The following RNF138 variants were observed in gnomAD, a reference collection of about 807,000 sequenced individuals.
RNF138 encodes E3 ubiquitin-protein ligase RNF138.
In RNF138, 12 loss-of-function variants were observed where a neutral mutation model predicts 31.0. The ratio of observed to expected loss-of-function variants is 0.39; its 90% CI spans 0.25 to 0.63. The LOEUF (loss-of-function observed/expected upper bound fraction) is 0.63. RNF138 is among the 20% of genes least tolerant of loss of function. The probability of loss-of-function intolerance (pLI) is 0.52; values close to 1 mark genes in which losing one functional copy is unlikely to be tolerated. For synonymous variants in RNF138, 105 were observed against 99.5 expected (o/e 1.06, Z -0.33); for missense variants, 192 against 300.1 (o/e 0.64, Z 2.66).
chr18:32,122,155 C>G (rs995078786), intron 4 of RNF138, among the ~76,000 whole-genome samples: 3 of 152,296 alleles, frequency 2.0e-5, no homozygotes, highest in African/African-American at 7.2e-5. Flanking sequence ...GTGTGAGCCA[C>G]TGTGCCCGGC....
intron 4 of RNF138, among the ~76,000 whole-genome samples, chr18:32,121,475 A>G (rs1017956015): frequency 3.9e-5 from 6 of 152,234 alleles, no homozygotes; most frequent in East Asian, 3.8e-4. Context: ...AGCCGGGGCA[A>G]TAAGAGCGAA....
chr18:32,104,991 A>T (rs189067580), intron 2 of RNF138, among the ~76,000 whole-genome samples: 253 of 152,362 alleles, frequency 1.7e-3, no homozygotes, highest in African/African-American at 5.6e-3. Flanking sequence ...ATGAGATATT[A>T]TGAAACAATA....
At chr18:32,093,280 A>T (rs928471812) in intron 2 of RNF138, among the ~76,000 whole-genome samples, 4 of 150,954 alleles carry the variant, frequency 2.6e-5, no homozygotes, top group Non-Finnish European at 5.9e-5. Context: ...TTTCTTAGCA[A>T]CCCGGGTGAA....
In RNF138 at chr18:32,100,561, C is replaced by T. The variant is rs181903948; in HGVS notation, c.110+7675C>T. ...CGCGATCTCGGCTCACTGCAACCTC[C>T]GTCTCCCGGGTTTAAGCGATTTTCC... On this transcript the variant is annotated intron_variant, in intron 2 of 7. Transcript: ENST00000261593. Among the ~76,000 whole-genome samples, 437 of 150,662 alleles carry T rather than the reference C, an allele frequency of 2.9e-3. 7 individuals carry two copies. The highest frequency in any genetic ancestry group is 0.022 in the Admixed American group (326 of 15,002).
At chr18:32,120,195 C>G (rs1365279578) in intron 4 of RNF138, among the ~76,000 whole-genome samples, 1 of 152,042 alleles carries the variant, frequency 6.6e-6, no homozygotes, top group African/African-American at 2.4e-5. Context: ...TAGCGTAGAT[C>G]TTTTAGTTTT....
chr18:32,092,646 C>T, intron 1 of RNF138, 54 bp from the exon 2 acceptor site: 1 of 661,730 alleles, frequency 1.5e-6, no homozygotes, highest in Non-Finnish European at 2.7e-6. Flanking sequence ...CGCCCCCTTC[C>T]TGGCGCGCGC....
At chr18:32,103,193 G>C (rs979046732) in intron 2 of RNF138, among the ~76,000 whole-genome samples, 7 of 151,202 alleles carry the variant, frequency 4.6e-5, no homozygotes, top group African/African-American at 1.7e-4. Context: ...TCATTTTTTG[G>C]TTAGAGACTA....
At chr18:32,126,638 T>C (rs1038539105) in intron 6 of RNF138, 55 bp from the exon 7 acceptor site, 26 of 1,086,124 alleles carry the variant, frequency 2.4e-5, no homozygotes, top group African/African-American at 2.1e-4. Flanking sequence ...CTGTCAATTG[T>C]ATAATATTTC....
intron 2 of RNF138, among the ~76,000 whole-genome samples, chr18:32,105,910 C>A (rs1246525635): frequency 6.6e-6 from 1 of 152,158 alleles, no homozygotes; most frequent in Non-Finnish European, 1.5e-5. Context: ...GTAGCTGAAG[C>A]AAAGCACATC....
intron 2 of RNF138, among the ~76,000 whole-genome samples, chr18:32,097,912 TTG>T (rs1004366381): frequency 3.2e-4 from 48 of 150,392 alleles, no homozygotes; most frequent in Non-Finnish European, 6.1e-4. Context: ...GTATGTGTAT[TTG>T]TGTGTGTGTG....
chr18:32,127,973 G>A (rs568778735), intron 7 of RNF138, among the ~76,000 whole-genome samples: 14 of 152,284 alleles, frequency 9.2e-5, no homozygotes, highest in African/African-American at 3.1e-4. Flanking sequence ...CCAGCTACTC[G>A]GGAGGCTGAG....
At chr18:32,125,818 CCTT>C (rs1568241579) in intron 6 of RNF138, among the ~76,000 whole-genome samples, 26 of 152,164 alleles carry the variant, frequency 1.7e-4, no homozygotes, top group African/African-American at 6.3e-4. Flanking sequence ...TTGAGGATGA[CCTT>C]AAGCTCTCAC....
chr18:32,106,629 A>ATC (rs1350262862), intron 2 of RNF138, among the ~76,000 whole-genome samples: 4 of 151,570 alleles, frequency 2.6e-5, no homozygotes, highest in African/African-American at 7.3e-5. Context: ...CAGTTGTGCG[A>ATC]TCTCGGTTCA....
At chr18:32,092,650 C>A (rs747342391) in intron 1 of RNF138, 50 bp from the exon 2 acceptor site, 9 of 661,182 alleles carry the variant, frequency 1.4e-5, no homozygotes, top group Non-Finnish European at 1.9e-5. Context: ...CCCTTCCTGG[C>A]GCGCGCTGTA....
rs373074195 is a variant in RNF138 at position 32,126,807 on chromosome 18, G to C, written c.669+7G>C. ...TGATTATGGAGAATTTGTGGTAAGT[G>C]AATTCTTCAAGATTAAGAAAGTACT... On this transcript the variant is annotated splice_region_variant and intron_variant, in intron 7 of 7. Coordinates refer to ENST00000261593, the MANE Select transcript of RNF138 (RefSeq NM_016271.5). 2.8e-6 allele frequency: 4 copies of C among 1,453,580 alleles called. No individual in the cohort carries two copies. The South Asian group carries it at 3.4e-5, about 12-fold the overall frequency. The allele number at this position is 1,453,580 out of a possible 1,614,324, so 90.0% of individuals were successfully genotyped here.
intron 4 of RNF138, among the ~76,000 whole-genome samples, chr18:32,116,591 A>G (rs1434860470): frequency 6.7e-6 from 1 of 149,884 alleles, no homozygotes; most frequent in Non-Finnish European, 1.5e-5. Context: ...TTGCTCTGTC[A>G]TCCAGCCTGG....
chr18:32,118,874 T>C (rs904316035), intron 4 of RNF138, among the ~76,000 whole-genome samples: 1 of 152,150 alleles, frequency 6.6e-6, no homozygotes, highest in African/African-American at 2.4e-5. Context: ...CTTCATTACA[T>C]GCATTGCAGA....
At chr18:32,107,711 G>T (rs941679677) in intron 2 of RNF138, among the ~76,000 whole-genome samples, 1 of 148,528 alleles carries the variant, frequency 6.7e-6, no homozygotes, top group Non-Finnish European at 1.5e-5. Flanking sequence ...TCAAGACGGG[G>T]TTTCACCATG....
intron 4 of RNF138, among the ~76,000 whole-genome samples, chr18:32,118,766 T>C (rs1220132469): frequency 6.6e-6 from 1 of 152,022 alleles, no homozygotes; most frequent in Admixed American, 6.6e-5. Flanking sequence ...GAGGCCAAGG[T>C]TGCAGTGAGT....
Sources: gnomAD v4.1 joint callset for allele counts (sites outside exome capture counted in the v4.1 genomes callset) on GRCh38, gnomAD v4.1.1 for gene constraint, MANE v1.5 for transcripts, NCBI Gene and HGNC (gene_info 2026-07-23, HGNC 2026-07-21) for gene names.